The following PEX14 variants were observed in gnomAD, a reference collection of about 807,000 sequenced individuals.
The protein encoded by PEX14 is peroxisomal membrane protein PEX14.
In PEX14, 15 loss-of-function variants were observed where a neutral mutation model predicts 49.5. The ratio of observed to expected loss-of-function variants is 0.30; its 90% CI spans 0.20 to 0.47. The LOEUF (loss-of-function observed/expected upper bound fraction) is 0.47, where lower values mean the gene tolerates loss of function less well. Among genes scored for constraint, PEX14 ranks in the 20% least tolerant of loss-of-function variants. PEX14 has a pLI of 1.00. For missense variants in PEX14, 398 were observed against 494.8 expected (o/e 0.80, Z 1.86); for synonymous variants, 210 against 212.7 (o/e 0.99, Z 0.11).
At chr1:10,511,064 G>C (rs1641874598) in intron 2 of PEX14, among the ~76,000 whole-genome samples, 1 of 147,400 alleles carries the variant, frequency 6.8e-6, no homozygotes, top group African/African-American at 2.4e-5. Context: ...GCACCGATAG[G>C]CATCGTTAAA....
At chr1:10,518,968 G>T (rs961991721) in intron 2 of PEX14, among the ~76,000 whole-genome samples, 6 of 152,074 alleles carry the variant, frequency 3.9e-5, no homozygotes, top group Non-Finnish European at 8.8e-5. Flanking sequence ...CTTGCCGTGT[G>T]CTTGTCGTGG....
At chr1:10,570,553 C>T (rs1282259029) in intron 3 of PEX14, among the ~76,000 whole-genome samples, 21 of 151,986 alleles carry the variant, frequency 1.4e-4, no homozygotes, top group Admixed American at 1.4e-3. Context: ...GGATGGTCTT[C>T]GATCTCTTGA....
intron 2 of PEX14, among the ~76,000 whole-genome samples, chr1:10,527,768 G>A (rs1032567008): frequency 1.5e-4 from 23 of 151,942 alleles, no homozygotes; most frequent in African/African-American, 5.6e-4. Context: ...CTGCCTCCCA[G>A]GTTCAAGTAA....
chr1:10,525,258 A>G (rs17035154), intron 2 of PEX14, among the ~76,000 whole-genome samples: 12,179 of 152,118 alleles, frequency 0.08, 1,230 homozygotes, highest in African/African-American at 0.24. Context: ...CGTGGGTACA[A>G]TCTGATGATG....
chr1:10,547,407 C>A (rs891253311), intron 3 of PEX14, among the ~76,000 whole-genome samples: 1 of 152,186 alleles, frequency 6.6e-6, no homozygotes, highest in African/African-American at 2.4e-5. Context: ...AGAACTCTAG[C>A]TGCCATGGAG....
intron 7 of PEX14, among the ~76,000 whole-genome samples, chr1:10,625,685 C>T (rs1641724597): frequency 6.6e-6 from 1 of 152,384 alleles, no homozygotes; most frequent in South Asian, 2.1e-4. Context: ...AGCGACAGCC[C>T]TGCCTGCTCT....
At chr1:10,577,155 G>A (rs554776722) in intron 3 of PEX14, among the ~76,000 whole-genome samples, 1 of 146,314 alleles carries the variant, frequency 6.8e-6, no homozygotes, top group East Asian at 2.1e-4. Context: ...CGCCTGTAAT[G>A]CCAGCATTTT....
chr1:10,528,040 AT>A (rs1053809982), intron 2 of PEX14, among the ~76,000 whole-genome samples: 1 of 152,096 alleles, frequency 6.6e-6, no homozygotes, highest in Non-Finnish European at 1.5e-5. Flanking sequence ...GGTACACATA[AT>A]TTTTTGGTCC....
intron 1 of PEX14, among the ~76,000 whole-genome samples, chr1:10,478,229 G>GGC (rs1641229230): frequency 6.6e-6 from 1 of 152,132 alleles, no homozygotes; most frequent in African/African-American, 2.4e-5. Context: ...AACAGTGCCT[G>GGC]AAACAATGTG....
chr1:10,560,523 C>G (rs1467007148), intron 3 of PEX14, among the ~76,000 whole-genome samples: 1 of 151,784 alleles, frequency 6.6e-6, no homozygotes, highest in African/African-American at 2.4e-5. Context: ...CCACCAGACC[C>G]AGCTAATTTT....
chr1:10,626,342 G>A lies in PEX14; in HGVS notation c.586-930G>A, dbSNP rs977348962. 3.9e-5 allele frequency among the ~76,000 whole-genome samples: 6 copies of A among 152,112 alleles called. No homozygotes were observed. In the East Asian group the frequency reaches 1.2e-3, roughly 29 times the overall value. On this transcript the variant is annotated intron_variant, in intron 7 of 8. Transcript: ENST00000356607. ...GGCTCCTGGGTCCTCCCTGTCTGGCGGTCTGGAGTAGGAACCCTGAGGGGC... is the reference window on the plus strand; with the variant it reads ...GGCTCCTGGGTCCTCCCTGTCTGGCAGTCTGGAGTAGGAACCCTGAGGGGC...
In PEX14 at chr1:10,495,283, AC is replaced by A; in HGVS notation, c.47del (p.Thr16IlefsTer13). Reference sequence around the variant, plus strand: ...CCATTTTTCTCTGCAGCCAAGCTCTACTCCAGGAAGTGAAAATGTGCTGCCT... The same window carrying A: ...CCATTTTTCTCTGCAGCCAAGCTCTATCCAGGAAGTGAAAATGTGCTGCCT... Reference protein sequence around the residue: ...QAEQPSQPSSTPGSENVLPRE... With the variant: ...QAEQPSQPSSXPGSENVLPRE... On this transcript the variant is annotated frameshift_variant, in exon 2 of 9. Coordinates refer to ENST00000356607, the MANE Select transcript of PEX14 (RefSeq NM_004565.3). LOFTEE classifies it high-confidence loss of function. The surrounding 1 kb of genome is among the most constrained non-coding windows in gnomAD (Gnocchi z 4.2). 6.2e-7 allele frequency: 1 copy of A among 1,613,892 alleles called. No homozygotes were observed. The highest frequency in any genetic ancestry group is 8.5e-7 in the Non-Finnish European group (1 of 1,179,908).
At chr1:10,543,875 C>T (rs1639092581) in intron 3 of PEX14, among the ~76,000 whole-genome samples, 1 of 152,172 alleles carries the variant, frequency 6.6e-6, no homozygotes, top group East Asian at 1.9e-4. Flanking sequence ...ATTGGAATTA[C>T]AGACATGAAC....
intron 3 of PEX14, among the ~76,000 whole-genome samples, chr1:10,573,128 A>G (rs1392310132): frequency 2.6e-5 from 4 of 152,226 alleles, no homozygotes; most frequent in Non-Finnish European, 5.9e-5. Flanking sequence ...CAGCTTTACT[A>G]TAATCTTATG....
intron 3 of PEX14, among the ~76,000 whole-genome samples, chr1:10,571,825 A>C (rs1459651377): frequency 1.3e-5 from 2 of 152,170 alleles, no homozygotes; most frequent in East Asian, 3.8e-4. Context: ...AAAACAAAAC[A>C]AAAAAGCAGT....
At chr1:10,616,345 T>C (rs916147400) in intron 4 of PEX14, among the ~76,000 whole-genome samples, 2 of 152,124 alleles carry the variant, frequency 1.3e-5, no homozygotes, top group African/African-American at 2.4e-5. Flanking sequence ...CGCCAGGACA[T>C]GGAAGGTACC....
intron 7 of PEX14, among the ~76,000 whole-genome samples, chr1:10,624,834 A>G (rs1347753726): frequency 6.6e-6 from 1 of 152,160 alleles, no homozygotes; most frequent in African/African-American, 2.4e-5. Flanking sequence ...TGGAACAGAC[A>G]GGGGAGAAGC....
At chr1:10,571,737 A>G (rs1035512450) in intron 3 of PEX14, among the ~76,000 whole-genome samples, 48 of 152,280 alleles carry the variant, frequency 3.2e-4, no homozygotes, top group African/African-American at 1.1e-3. Flanking sequence ...GGAACCTGGG[A>G]GGCTGAGGTT....
chr1:10,627,821 GGTTGTCCCCCT>G (rs1641794332), intron 8 of PEX14, among the ~76,000 whole-genome samples: 1 of 152,254 alleles, frequency 6.6e-6, no homozygotes, highest in Non-Finnish European at 1.5e-5. Flanking sequence ...CCGGCTTCTT[GGTTGTCCCCCT>G]GTTGTCCCTC....
Sources: gnomAD v4.1 joint callset for allele counts (sites outside exome capture counted in the v4.1 genomes callset) on GRCh38, gnomAD v4.1.1 for gene constraint, Gnocchi (gnomAD v3.1) non-coding constraint, MANE v1.5 for transcripts, NCBI Gene and HGNC (gene_info 2026-07-23, HGNC 2026-07-21) for gene names.